The following ZNF608 variants were observed in gnomAD, a reference collection of about 807,000 sequenced individuals.
ZNF608 encodes the protein renal carcinoma antigen NY-REN-36.
A neutral mutation model predicts 109.0 loss-of-function variants in ZNF608; 12 were observed. The observed-to-expected ratio is 0.11, with a 90% CI of 0.07 to 0.18. The LOEUF is 0.18. ZNF608 is among the 10% of genes least tolerant of loss of function. The pLI, the probability that ZNF608 is intolerant of heterozygous loss-of-function variation, is 1.00. For synonymous variants in ZNF608, 732 were observed against 717.4 expected, an observed-to-expected ratio of 1.02 and a Z score of -0.33; for missense variants, 1,707 against 1,879.3, an observed-to-expected ratio of 0.91 and a Z score of 1.70.
intron 2 of ZNF608, among the ~76,000 whole-genome samples, chr5:124,727,221 C>G (rs890112521): frequency 7.9e-5 from 12 of 152,188 alleles, no homozygotes; most frequent in African/African-American, 2.9e-4. Context: ...AATTTCACAA[C>G]CCTGTGCTCT....
chr5:124,743,845 T>A (rs1242377942), intron 2 of ZNF608, among the ~76,000 whole-genome samples: 2 of 139,906 alleles, frequency 1.4e-5, no homozygotes, highest in Non-Finnish European at 3.1e-5. Flanking sequence ...ACCCAAACAC[T>A]AGCATCACAA....
Position 124,648,177 on chromosome 5 carries a change from C to G in ZNF608, c.2207G>C (p.Arg736Pro). 6.2e-7 allele frequency: 1 copy of G among 1,613,260 alleles called. No homozygotes were observed. Among genetic ancestry groups the G allele is most frequent in the Non-Finnish European group, 8.5e-7 (1 of 1,179,738 alleles). ...GGGGGCTGGGGCAGGGGCAATGGGC[C>G]GGGCACTTTTCAGTTTAGAGAGGTT... Reference protein sequence around the residue: ...DKNLSKLKSARPIAPAPAPTP... With the variant: ...DKNLSKLKSAPPIAPAPAPTP... Residue 736 changes from arginine to proline, a missense_variant, in exon 5 of 10, where the codon CGG (arginine) becomes CCG (proline). Coordinates refer to ENST00000513986, the MANE Select transcript of ZNF608 (RefSeq NM_020747.3).
chr5:124,689,068 G>A (rs1490677572), intron 3 of ZNF608, among the ~76,000 whole-genome samples: 1 of 152,194 alleles, frequency 6.6e-6, no homozygotes, highest in Non-Finnish European at 1.5e-5. Flanking sequence ...TACTTAGGTA[G>A]TATAAATGTA....
rs775829648 is a variant in ZNF608, at chr5:124,744,523, C to A, written c.467G>T (p.Ser156Ile). The change falls in exon 2 of 10, where the codon AGT (serine) becomes ATT (isoleucine). Residue 156 changes from serine to isoleucine, a missense_variant. Coordinates refer to ENST00000513986, the MANE Select transcript of ZNF608 (RefSeq NM_020747.3). This position sits in a 1 kb window ranked among gnomAD's most constrained non-coding sequence, Gnocchi z 4.5. The stretch of plus-strand genomic sequence containing the variant: ...GTTGCCGCTGCCGCCGCTGCTCACA[C>A]TTTGACCCAGCGCTGAATTCATGCC... Reference protein sequence around the residue: ...ATGMNSALGQSVSSGGSGNPN... With the variant: ...ATGMNSALGQIVSSGGSGNPN... 1.2e-6 allele frequency: 2 copies of A among 1,614,246 alleles called. No individual in the cohort carries two copies. The highest frequency in any genetic ancestry group is 2.2e-5 in the South Asian group (2 of 91,092).
chr5:124,700,645 C>A (rs1183368393), intron 3 of ZNF608, among the ~76,000 whole-genome samples: 2 of 152,224 alleles, frequency 1.3e-5, no homozygotes, highest in African/African-American at 4.8e-5. Context: ...CAAAAACAAC[C>A]ATGTCAAGAC....
intron 3 of ZNF608, among the ~76,000 whole-genome samples, chr5:124,657,503 A>C (rs533072080): frequency 6.0e-5 from 9 of 151,254 alleles, no homozygotes; most frequent in African/African-American, 2.2e-4. Context: ...CTACTAAAAA[A>C]TAAAAAAATA....
chr5:124,682,122 G>C (rs1752222348), intron 3 of ZNF608, among the ~76,000 whole-genome samples: 1 of 152,164 alleles, frequency 6.6e-6, no homozygotes, highest in Non-Finnish European at 1.5e-5. Context: ...TCCCAGGCTA[G>C]AGTGCAATGG....
chr5:124,702,601 G>A (rs181396628), intron 2 of ZNF608, among the ~76,000 whole-genome samples: 2 of 152,046 alleles, frequency 1.3e-5, no homozygotes, highest in East Asian at 1.9e-4. Context: ...CATCTGTGTG[G>A]GCTCCTTGTT....
chr5:124,672,359 C>T (rs1027232153), intron 3 of ZNF608, among the ~76,000 whole-genome samples: 1 of 152,206 alleles, frequency 6.6e-6, no homozygotes, highest in Non-Finnish European at 1.5e-5. Context: ...TTGAAAACCA[C>T]TGGCCTATGC....
intron 3 of ZNF608, among the ~76,000 whole-genome samples, chr5:124,687,961 AT>A (rs1477307279): frequency 6.6e-6 from 1 of 152,180 alleles, no homozygotes; most frequent in Non-Finnish European, 1.5e-5. Context: ...CACTGCATGC[AT>A]CAAGTGACAC....
At chr5:124,725,786 C>T (rs1754113626) in intron 2 of ZNF608, among the ~76,000 whole-genome samples, 1 of 152,084 alleles carries the variant, frequency 6.6e-6, no homozygotes, top group South Asian at 2.1e-4. Context: ...CATGGATGCA[C>T]CCTATTTCAG....
rs1244083246 is a variant in ZNF608, at chr5:124,744,308, G to T, written c.682C>A (p.Gln228Lys). The T allele has an allele frequency of 6.2e-7, 1 of 1,614,012 alleles. No homozygotes were observed. The highest frequency in any genetic ancestry group is 8.5e-7 in the Non-Finnish European group (1 of 1,180,036). Reference protein sequence around the residue: ...LQGHQNGSGSQAPSGGHLYGF... With the variant: ...LQGHQNGSGSKAPSGGHLYGF... Reference sequence around the variant, plus strand: ...TAGAGGTGCCCCCCGGAAGGGGCCTGGCTGCCACTGCCATTCTGGTGGCCC... The same window carrying T: ...TAGAGGTGCCCCCCGGAAGGGGCCTTGCTGCCACTGCCATTCTGGTGGCCC... Residue 228 changes from glutamine to lysine, a missense_variant, in exon 2 of 10, where the codon CAG becomes AAG. By Grantham distance (53) the Gln-to-Lys change is moderately conservative. Coordinates refer to ENST00000513986, the MANE Select transcript of ZNF608 (RefSeq NM_020747.3). The surrounding 1 kb of genome is among the most constrained non-coding windows in gnomAD (Gnocchi z 4.5).
intron 3 of ZNF608, among the ~76,000 whole-genome samples, chr5:124,652,494 A>G (rs1265718872): frequency 2.0e-5 from 3 of 152,238 alleles, no homozygotes; most frequent in Non-Finnish European, 2.9e-5. Flanking sequence ...GCCGCTTCAC[A>G]ATGCCACAGA....
intron 2 of ZNF608, among the ~76,000 whole-genome samples, chr5:124,706,646 G>A (rs1000222691): frequency 2.0e-5 from 3 of 152,100 alleles, no homozygotes; most frequent in Non-Finnish European, 4.4e-5. Context: ...CTTTGTCAAA[G>A]CTCTTTTCTG....
intron 3 of ZNF608, among the ~76,000 whole-genome samples, chr5:124,650,682 C>A (rs568122421): frequency 6.6e-6 from 1 of 152,134 alleles, no homozygotes; most frequent in African/African-American, 2.4e-5. Context: ...TTTAATAGAA[C>A]CTTGATTTTG....
chr5:124,644,412 G>A lies in ZNF608; in HGVS notation c.3955C>T (p.Pro1319Ser), dbSNP rs1750399554. 1 of 1,613,988 alleles carries A rather than the reference G, an allele frequency of 6.2e-7. No individual in the cohort carries two copies. The highest frequency in any genetic ancestry group is 1.3e-5 in the African/African-American group (1 of 74,890). Residue 1319 changes from proline (P) to serine (S), a missense_variant, in exon 6 of 10, where the codon CCT becomes TCT. Pro to Ser is a moderately conservative substitution (Grantham distance 74). Around this residue, in one of 7 missense-constraint regions of ZNF608, gnomAD observed 1,073 missense variants for 1,133.5 expected, o/e 0.95. Transcript: ENST00000513986. ...SKLKNDDRKT[P>S]VNWKDSRGTR... ...CCCCGAGAGTCCTTCCAGTTCACAG[G>A]AGTCTTTCGATCATCATTTTTCAGC...
intron 3 of ZNF608, among the ~76,000 whole-genome samples, chr5:124,665,895 G>A (rs1306465183): frequency 6.6e-6 from 1 of 152,092 alleles, no homozygotes; most frequent in Non-Finnish European, 1.5e-5. Flanking sequence ...CCAGACTCTG[G>A]GCCCCAAAGA....
In ZNF608 at chr5:124,644,476, C is replaced by T. The variant is rs1295817516; in HGVS notation, c.3891G>A (p.Glu1297=). The T allele has an allele frequency of 6.2e-7, 1 of 1,614,060 alleles. No homozygotes were observed. The highest frequency in any genetic ancestry group is 1.3e-5 in the African/African-American group (1 of 75,006). The change falls in exon 6 of 10, where the codon GAG becomes GAA. Residue 1297 remains glutamate, a synonymous_variant. Coordinates refer to ENST00000513986, the MANE Select transcript of ZNF608 (RefSeq NM_020747.3). Reference sequence around the variant, plus strand: ...TTGATTGAGAATCAGGATGCTTGGCCTCTTTGGGCTCCTCTTTAATGCTTG... The same window carrying T: ...TTGATTGAGAATCAGGATGCTTGGCTTCTTTGGGCTCCTCTTTAATGCTTG... ...SLTSIKEEPK[E]AKHPDSQSME...
rs1233692105 is a variant in ZNF608, at chr5:124,649,090, G to A, written c.1294C>T (p.Arg432Trp). ...PTSDLEMRGG[R>W]GRGKRARSAA... ...GACCTCGCTCTCTTCCCTCTGCCCC[G>A]GCCCCCTCTCATCTCCAGGTCACTT... The change falls in exon 5 of 10, where the codon CGG (arginine) becomes TGG (tryptophan). Residue 432 changes from arginine (R) to tryptophan (W), a missense_variant. Arg to Trp is a moderately radical substitution (Grantham distance 101). Coordinates refer to ENST00000513986, the MANE Select transcript of ZNF608 (RefSeq NM_020747.3). 3 of 1,591,400 alleles carry A rather than the reference G, an allele frequency of 1.9e-6. No individual in the cohort carries two copies. The highest frequency in any genetic ancestry group is 2.6e-6 in the Non-Finnish European group (3 of 1,172,674).
Sources: gnomAD v4.1 joint callset for allele counts (sites outside exome capture counted in the v4.1 genomes callset) on GRCh38, gnomAD v4.1.1 for gene constraint, gnomAD v4.1.1 regional missense constraint, Gnocchi (gnomAD v3.1) non-coding constraint, MANE v1.5 for transcripts, NCBI Gene and HGNC (gene_info 2026-07-23, HGNC 2026-07-21) for gene names.